The following BRWD1 variants were observed in gnomAD, a reference collection of about 807,000 sequenced individuals.
BRWD1 encodes bromodomain and WD repeat domain containing 1.
In BRWD1, 82 loss-of-function variants were observed where a neutral mutation model predicts 251.2. The observed-to-expected ratio is 0.33, with a 90% CI of 0.27 to 0.39. The LOEUF is 0.39. BRWD1 is among the 10% of genes least tolerant of loss of function. The pLI is 1.00. For missense variants in BRWD1, 2,233 were observed against 2,711.6 expected, an observed-to-expected ratio of 0.82 and a Z score of 3.92; for synonymous variants, 918 against 902.8, an observed-to-expected ratio of 1.02 and a Z score of -0.30.
intron 4 of BRWD1, among the ~76,000 whole-genome samples, chr21:39,310,209 G>GT (rs2036434696): frequency 6.6e-6 from 1 of 152,120 alleles, no homozygotes; most frequent in Admixed American, 6.5e-5. Context: ...TAGCAAGTTA[G>GT]TAACTTTCAA....
chr21:39,230,516 T>C (rs1388622586), intron 25 of BRWD1, among the ~76,000 whole-genome samples: 1 of 152,244 alleles, frequency 6.6e-6, no homozygotes, highest in Non-Finnish European at 1.5e-5. Flanking sequence ...AACACTGTAG[T>C]AAACCAGTGC....
intron 1 of BRWD1, among the ~76,000 whole-genome samples, chr21:39,319,065 T>G (rs973753179): frequency 1.3e-5 from 2 of 152,220 alleles, no homozygotes; most frequent in African/African-American, 4.8e-5. Flanking sequence ...TTTGATCGAT[T>G]TTTGGAGGAC....
chr21:39,244,359 C>T (rs775734789), intron 21 of BRWD1, among the ~76,000 whole-genome samples: 3 of 152,196 alleles, frequency 2.0e-5, no homozygotes, highest in Non-Finnish European at 4.4e-5. Flanking sequence ...CCACTGCACC[C>T]GGCCCATGCT....
At position 39,286,610 on chromosome 21, in the gene BRWD1, C is replaced by A. The variant is rs540372483; in HGVS notation, c.832-6362G>T. On this transcript the variant is annotated intron_variant, in intron 8 of 40. Coordinates refer to ENST00000342449, the MANE Select transcript of BRWD1 (RefSeq NM_033656.4). ...GCTCACTGCAACCTCCACCTCCCGG[C>A]TTCAAGCGATTCTCCTGCCTCAGCC... Among the ~76,000 whole-genome samples, 14 of 151,606 alleles carry A rather than the reference C, an allele frequency of 9.2e-5. No homozygotes were observed. In the South Asian group the frequency reaches 2.9e-3, roughly 32 times the overall value.
At chr21:39,309,354 G>A (rs539583013) in intron 4 of BRWD1, among the ~76,000 whole-genome samples, 4 of 151,466 alleles carry the variant, frequency 2.6e-5, no homozygotes, top group South Asian at 2.1e-4. Flanking sequence ...AGGAGGTGGA[G>A]GGCTGAGGTG....
chr21:39,190,274 A>G lies in BRWD1; in HGVS notation c.*5985T>C, dbSNP rs748523217. On this transcript the variant is annotated 3_prime_UTR_variant, in exon 41 of 41. Coordinates refer to ENST00000342449, the MANE Select transcript of BRWD1 (RefSeq NM_033656.4). Reference sequence around the variant, plus strand: ...CTACCTTATTTACAGATTCTGCACAATATTTCATCATACAAAACTGTTTTC... The same window carrying G: ...CTACCTTATTTACAGATTCTGCACAGTATTTCATCATACAAAACTGTTTTC... 9.0e-5 allele frequency: 89 copies of G among 984,182 alleles called. 1 individual carries two copies. The highest frequency in any genetic ancestry group is 1.1e-4 in the Non-Finnish European group (89 of 828,950). 61.0% of individuals were successfully genotyped at this position (984,182 alleles called of 1,614,324 possible). A position where few individuals can be genotyped will look rare whatever the true frequency, so the allele number is the denominator to read the frequency against.
intron 7 of BRWD1, 55 bp downstream of exon 7, chr21:39,295,688 A>C (rs2146754714): frequency 7.5e-7 from 1 of 1,324,818 alleles, no homozygotes; most frequent in East Asian, 2.6e-5. Flanking sequence ...GATGATTCTG[A>C]AGCACACTAA....
At chr21:39,289,224 C>G (rs2035733313) in intron 8 of BRWD1, among the ~76,000 whole-genome samples, 1 of 152,102 alleles carries the variant, frequency 6.6e-6, no homozygotes, top group African/African-American at 2.4e-5. Context: ...AGTAGTTATG[C>G]AATCTCTTGC....
At position 39,188,933 on chromosome 21, in the gene BRWD1, T is replaced by C. The variant is rs2031397338; in HGVS notation, c.*7326A>G. The C allele has an allele frequency of 1.4e-5, 14 of 985,338 alleles. No homozygotes were observed. Among genetic ancestry groups the C allele is most frequent in the Non-Finnish European group, 1.7e-5 (14 of 829,896 alleles). The allele number at this position is 985,338 out of a possible 1,614,324, so 61.0% of individuals were successfully genotyped here. A position where few individuals can be genotyped will look rare whatever the true frequency, so the allele number is the denominator to read the frequency against. ...AGTAAGACACTCATCACGGCATTAC[T>C]CTCATGCAGCATGCCCTTACCTCCT... is the stretch of plus-strand genomic sequence containing the variant. On this transcript the variant is annotated 3_prime_UTR_variant, in exon 41 of 41. Transcript: ENST00000342449.
Position 39,192,768 on chromosome 21 carries a change from C to A in BRWD1, c.*3491G>T, listed in dbSNP as rs1046289. ...GAGTGGAAAGGAAAACAAAAAAGATCGTAAGCACCTTTAACAATGTTCTTG... is the reference window on the plus strand; with the variant it reads ...GAGTGGAAAGGAAAACAAAAAAGATAGTAAGCACCTTTAACAATGTTCTTG... On this transcript the variant is annotated 3_prime_UTR_variant, in exon 41 of 41. Transcript: ENST00000342449. The A allele has an allele frequency of 1.0e-6, 1 of 984,652 alleles. No individual in the cohort carries two copies. The highest frequency in any genetic ancestry group is 6.2e-5 in the Admixed American group (1 of 16,188). 61.0% of individuals were successfully genotyped at this position (984,652 alleles called of 1,614,324 possible). A position where few individuals can be genotyped will look rare whatever the true frequency, so the allele number is the denominator to read the frequency against.
intron 36 of BRWD1, among the ~76,000 whole-genome samples, chr21:39,207,483 C>CACACACACACACACACACAA (rs1439646306): frequency 6.7e-6 from 1 of 148,300 alleles, no homozygotes; most frequent in African/African-American, 2.5e-5. Flanking sequence ...CACACACACA[C>CACACACACACACACACACAA]AAACAAAACT....
At chr21:39,275,040 G>A (rs1214629024) in intron 12 of BRWD1, among the ~76,000 whole-genome samples, 2 of 150,698 alleles carry the variant, frequency 1.3e-5, no homozygotes, top group Non-Finnish European at 3.0e-5. Flanking sequence ...GCTAGACTCC[G>A]TCTCAAAAAA....
At position 39,217,094 on chromosome 21, in the gene BRWD1, T is replaced by A. The variant is rs2032979535; in HGVS notation, c.3659+1058A>T. On this transcript the variant is annotated intron_variant, in intron 31 of 40. Transcript: ENST00000342449. Reference sequence around the variant, plus strand: ...ATATATATATATATATTTTTTTTTTTTTTTTTTTTTTTAATTGCTTAGACA... The same window carrying A: ...ATATATATATATATATTTTTTTTTTATTTTTTTTTTTTAATTGCTTAGACA... 7.1e-5 allele frequency: 4 copies of A among 56,048 alleles called. No homozygotes were observed. In the Admixed American group the frequency reaches 8.9e-4, roughly 12 times the overall value. 3.5% of individuals were successfully genotyped at this position (56,048 alleles called of 1,614,324 possible).
At chr21:39,309,654 C>T (rs182862101) in intron 4 of BRWD1, among the ~76,000 whole-genome samples, 310 of 151,860 alleles carry the variant, frequency 2.0e-3, no homozygotes, top group Middle Eastern at 3.4e-3. Context: ...GAAACCCCGC[C>T]TCTACTAAAA....
chr21:39,247,586 A>T, intron 21 of BRWD1, 115 bp downstream of exon 21: 1 of 1,075,254 alleles, frequency 9.3e-7, no homozygotes, highest in South Asian at 2.2e-5. Context: ...ATTTCATATT[A>T]ATCTCTGCAG....
rs572189555 is a variant in BRWD1, at chr21:39,238,255, T to C, written c.2576+224A>G. On this transcript the variant is annotated intron_variant, in intron 22 of 40. Transcript: ENST00000342449. The stretch of plus-strand genomic sequence containing the variant: ...TAAATTTATATTTTCAGTATGCATG[T>C]TCAACAGTGCTGGGTCAACTGCTTA... Among the ~76,000 whole-genome samples, 3 of 149,418 alleles carry C rather than the reference T, an allele frequency of 2.0e-5. No individual in the cohort carries two copies. The Admixed American group carries it at 2.0e-4, about 10-fold the overall frequency.
chr21:39,281,912 AT>A (rs535534846), intron 8 of BRWD1, among the ~76,000 whole-genome samples: 427 of 135,884 alleles, frequency 3.1e-3, no homozygotes, highest in African/African-American at 0.011. Context: ...GTATACATGT[AT>A]ATATATACGT....
rs748494915 is a variant in BRWD1, at chr21:39,196,316, A to G, written c.6753T>C (p.Asp2251=). The G allele has an allele frequency of 8.1e-6, 13 of 1,612,214 alleles. No individual in the cohort carries two copies. In the East Asian group the frequency reaches 2.2e-4, roughly 28 times the overall value. The change falls in exon 41 of 41, where the codon GAT becomes GAC. Residue 2251 remains aspartate, a synonymous_variant. Coordinates refer to ENST00000342449, the MANE Select transcript of BRWD1 (RefSeq NM_033656.4). ...NQGRRTVRYH[D]GDDDRSLENV... ...TTTCTAAACTTCTGTCATCATCCCCATCATGGTATCTCACAGTCCTTCTAC... is the reference window on the plus strand; with the variant it reads ...TTTCTAAACTTCTGTCATCATCCCCGTCATGGTATCTCACAGTCCTTCTAC...
chr21:39,284,808 G>A (rs904446373), intron 8 of BRWD1, among the ~76,000 whole-genome samples: 1 of 151,976 alleles, frequency 6.6e-6, no homozygotes, highest in African/African-American at 2.4e-5. Flanking sequence ...TATATGTTCT[G>A]GATATTAACT....
Sources: allele counts gnomAD v4.1 joint callset (sites outside exome capture counted in the v4.1 genomes callset), GRCh38; gene constraint gnomAD v4.1.1; transcripts MANE v1.5; gene names NCBI Gene and HGNC (gene_info 2026-07-23, HGNC 2026-07-21).